Variants in DOCK3 observed in about 807,000 individuals in gnomAD.
The protein encoded by DOCK3 is dedicator of cytokinesis 3.
Under a neutral mutation model 265.6 loss-of-function variants are expected in DOCK3, and 60 were observed. The ratio of observed to expected loss-of-function variants is 0.23; its 90% confidence interval spans 0.18 to 0.28. The LOEUF (loss-of-function observed/expected upper bound fraction) is 0.28, where lower values mean the gene tolerates loss of function less well. Ranked by LOEUF, DOCK3 falls within the 10% of genes least tolerant of loss-of-function variation. The pLI, the probability that DOCK3 is intolerant of heterozygous loss-of-function variation, is 1.00. For missense variants in DOCK3, 1,981 were observed against 2,594.3 expected (o/e 0.76, Z 5.14); for synonymous variants, 881 against 938.0 (o/e 0.94, Z 1.11).
intron 32 of DOCK3, among the ~76,000 whole-genome samples, chr3:51,329,063 G>T (rs1050140030): frequency 6.6e-6 from 1 of 152,206 alleles, no homozygotes; most frequent in Non-Finnish European, 1.5e-5. Flanking sequence ...TGAGGCAGGA[G>T]AATCACTTGA....
intron 12 of DOCK3, among the ~76,000 whole-genome samples, chr3:51,203,609 A>G (rs1218770995): frequency 6.6e-6 from 1 of 152,226 alleles, no homozygotes; most frequent in African/African-American, 2.4e-5. Flanking sequence ...TTATAGATTC[A>G]ATGCCATCCC....
At chr3:50,974,981 C>T (rs1391758741) in intron 5 of DOCK3, among the ~76,000 whole-genome samples, 1 of 148,096 alleles carries the variant, frequency 6.8e-6, no homozygotes, top group Non-Finnish European at 1.5e-5. Flanking sequence ...GATTTTTGTA[C>T]ATTGATTTTG....
At chr3:50,913,913 A>T (rs1175503712) in intron 4 of DOCK3, among the ~76,000 whole-genome samples, 2 of 152,090 alleles carry the variant, frequency 1.3e-5, no homozygotes, top group Non-Finnish European at 2.9e-5. Flanking sequence ...TATGGGGGTC[A>T]TCCGAATTTT....
chr3:51,347,453 G>A (rs2085666273), intron 38 of DOCK3, among the ~76,000 whole-genome samples: 1 of 152,158 alleles, frequency 6.6e-6, no homozygotes, highest in Non-Finnish European at 1.5e-5. Context: ...GGTTGTAGAT[G>A]TGTGGTATTA....
chr3:50,849,688 T>C (rs2046268844), intron 3 of DOCK3, among the ~76,000 whole-genome samples: 1 of 152,106 alleles, frequency 6.6e-6, no homozygotes, highest in African/African-American at 2.4e-5. Context: ...AAAATCAGAG[T>C]AAATGCTATT....
At chr3:51,207,056 G>T (rs2089255019) in intron 12 of DOCK3, among the ~76,000 whole-genome samples, 1 of 152,144 alleles carries the variant, frequency 6.6e-6, no homozygotes, top group Non-Finnish European at 1.5e-5. Flanking sequence ...TTGGAGCTTG[G>T]CAGCCTCTGG....
intron 21 of DOCK3, 27 bp from the exon 22 acceptor site, chr3:51,246,699 G>A: frequency 6.2e-7 from 1 of 1,603,672 alleles, no homozygotes; most frequent in Non-Finnish European, 8.5e-7. Flanking sequence ...ATTAAAGTGG[G>A]GTTTCTGGAA....
chr3:51,221,702 A>C (rs1373918294), intron 14 of DOCK3, among the ~76,000 whole-genome samples: 2 of 152,218 alleles, frequency 1.3e-5, no homozygotes, highest in African/African-American at 4.8e-5. Context: ...TCACCCAGGC[A>C]CTAAGCACTC....
chr3:50,975,468 G>T (rs1346019829), intron 5 of DOCK3, among the ~76,000 whole-genome samples: 2 of 150,862 alleles, frequency 1.3e-5, no homozygotes, highest in East Asian at 3.9e-4. Context: ...TATTGAACCA[G>T]CCTTGCATCC....
At chr3:51,316,687 T>A (rs1214504650) in intron 32 of DOCK3, among the ~76,000 whole-genome samples, 1 of 152,244 alleles carries the variant, frequency 6.6e-6, no homozygotes, top group Admixed American at 6.5e-5. Context: ...ATTGTGGTTT[T>A]CATTTCTATT....
intron 5 of DOCK3, among the ~76,000 whole-genome samples, chr3:50,934,578 GTGC>G (rs2051252609): frequency 6.6e-6 from 1 of 152,106 alleles, no homozygotes; most frequent in East Asian, 1.9e-4. Flanking sequence ...TGTAATCCCA[GTGC>G]TTTGGGAAGC....
intron 2 of DOCK3, among the ~76,000 whole-genome samples, chr3:50,814,680 C>T (rs529909504): frequency 2.8e-4 from 43 of 152,090 alleles, no homozygotes; most frequent in Non-Finnish European, 5.4e-4. Flanking sequence ...GCATTAAAAC[C>T]GGACTATAAA....
At chr3:50,743,607 T>C (rs1040463897) in intron 1 of DOCK3, among the ~76,000 whole-genome samples, 8 of 151,858 alleles carry the variant, frequency 5.3e-5, no homozygotes, top group African/African-American at 1.9e-4. Flanking sequence ...CATTACATAA[T>C]GGTAAAGGGA....
At chr3:50,758,181 AAAAAAAAAAAAAAAAG>A (rs1428662728) in intron 1 of DOCK3, among the ~76,000 whole-genome samples, 1 of 127,332 alleles carries the variant, frequency 7.9e-6, no homozygotes, top group South Asian at 2.8e-4. Context: ...CTGTCTCAAA[AAAAAAAAAAAAAAAAG>A]AAAAAAAAAA....
intron 22 of DOCK3, among the ~76,000 whole-genome samples, chr3:51,256,792 A>T (rs1357490786): frequency 6.6e-6 from 1 of 151,702 alleles, no homozygotes; most frequent in Non-Finnish European, 1.5e-5. Context: ...ACGGGGTTTC[A>T]CCCTGTTGGT....
chr3:51,095,898 A>G (rs970699603), intron 9 of DOCK3, among the ~76,000 whole-genome samples: 2 of 74,132 alleles, frequency 2.7e-5, no homozygotes, highest in Non-Finnish European at 5.3e-5. Flanking sequence ...ATTGGCCCCC[A>G]TGCTCTCTGG....
chr3:50,710,733 A>T (rs947399221), intron 1 of DOCK3, among the ~76,000 whole-genome samples: 1 of 152,228 alleles, frequency 6.6e-6, no homozygotes, highest in Non-Finnish European at 1.5e-5. Context: ...ACAATTTGCA[A>T]TTGCAAAAAT....
intron 27 of DOCK3, among the ~76,000 whole-genome samples, chr3:51,289,743 G>A (rs2081624706): frequency 6.6e-6 from 1 of 151,922 alleles, no homozygotes; most frequent in Non-Finnish European, 1.5e-5. Context: ...CCATCAGAGT[G>A]AACAGGCAAC....
At chr3:50,719,449 C>G in intron 1 of DOCK3, 1 of 678,754 alleles carries the variant, frequency 1.5e-6, no homozygotes, top group South Asian at 1.7e-5. Flanking sequence ...AAGGAATGGT[C>G]TGATGGTTAA....
Sources: allele counts gnomAD v4.1 joint callset (sites outside exome capture counted in the v4.1 genomes callset), GRCh38; gene constraint gnomAD v4.1.1; transcripts MANE v1.5; gene names NCBI Gene and HGNC (gene_info 2026-07-23, HGNC 2026-07-21).